DROSHA: variants seen among roughly 807,000 people sequenced by gnomAD.
DROSHA encodes ribonuclease 3.
DROSHA carries 56 observed loss-of-function variants against 181.9 expected under a neutral mutation model. The observed-to-expected ratio is 0.31, with a 90% CI of 0.25 to 0.38. The LOEUF is 0.38. Ranked by LOEUF, DROSHA falls within the 10% of genes least tolerant of loss-of-function variation. The probability of loss-of-function intolerance (pLI) is 1.00; values close to 1 mark genes in which losing one functional copy is unlikely to be tolerated. For missense variants in DROSHA, 1,218 were observed against 1,743.5 expected, an observed-to-expected ratio of 0.70 and a Z score of 5.37; for synonymous variants, 524 against 591.2, an observed-to-expected ratio of 0.89 and a Z score of 1.65.
chr5:31,483,740 G>T, intron 15 of DROSHA, 112 bp from the exon 16 acceptor site: 2 of 1,050,888 alleles, frequency 1.9e-6, no homozygotes, highest in Non-Finnish European at 2.7e-6. Flanking sequence ...ACCACCAGAA[G>T]TAGAGGCATA....
chr5:31,418,576 C>T (rs1742256777), intron 30 of DROSHA, among the ~76,000 whole-genome samples: 1 of 152,002 alleles, frequency 6.6e-6, no homozygotes, highest in South Asian at 2.1e-4. Context: ...GCCCTTGTAA[C>T]GTATCAATAG....
At position 31,476,280 on chromosome 5, in the gene DROSHA, G is replaced by A. The variant is rs149372337; in HGVS notation, c.2072-4048C>T. 9.8e-3 allele frequency among the ~76,000 whole-genome samples: 1,493 copies of A among 152,240 alleles called. 30 individuals carry two copies. The highest frequency in any genetic ancestry group is 0.033 in the African/African-American group (1,369 of 41,566). ...CTCAGGAGGCTGGGGCAGGAGAATCGCTTGAATCTGGGAGGCAGGGATTGC... is the reference window on the plus strand; with the variant it reads ...CTCAGGAGGCTGGGGCAGGAGAATCACTTGAATCTGGGAGGCAGGGATTGC... On this transcript the variant is annotated intron_variant, in intron 16 of 35. Coordinates refer to ENST00000344624, the MANE Select transcript of DROSHA (RefSeq NM_001382508.1).
chr5:31,526,321 G>A lies in DROSHA; in HGVS notation c.612C>T (p.Phe204=), dbSNP rs781066515. The change falls in exon 5 of 36, where the codon TTC becomes TTT. Residue 204 remains phenylalanine (F), a synonymous_variant. Coordinates refer to ENST00000344624, the MANE Select transcript of DROSHA (RefSeq NM_001382508.1). ...PSANNSSSPH[F]RHLPPYPLPK... is the part of the protein sequence containing the mutation. ...GGAGTGGGTATGGAGGGAGATGTCTGAAATGAGGACTACTGCTGTTATTAG... is the reference window on the plus strand; with the variant it reads ...GGAGTGGGTATGGAGGGAGATGTCTAAAATGAGGACTACTGCTGTTATTAG... 3 of 1,613,898 alleles carry A rather than the reference G, an allele frequency of 1.9e-6. No individual in the cohort carries two copies. Among genetic ancestry groups the A allele is most frequent in the Non-Finnish European group, 2.5e-6 (3 of 1,179,880 alleles).
intron 26 of DROSHA, among the ~76,000 whole-genome samples, chr5:31,429,816 T>G (rs1743950948): frequency 6.6e-6 from 1 of 152,154 alleles, no homozygotes; most frequent in African/African-American, 2.4e-5. Flanking sequence ...TTATGAAGGG[T>G]AAAGGTATAA....
At chr5:31,515,348 T>G (rs1739158735) in intron 7 of DROSHA, 106 bp downstream of exon 7, 4 of 1,147,500 alleles carry the variant, frequency 3.5e-6, no homozygotes, top group Non-Finnish European at 4.9e-6. Context: ...GTGTGTACTT[T>G]TGTTAAACCA....
intron 20 of DROSHA, among the ~76,000 whole-genome samples, chr5:31,462,745 G>C (rs186122586): frequency 7.3e-5 from 11 of 151,602 alleles, no homozygotes; most frequent in African/African-American, 2.7e-4. Context: ...AGTAAAACAG[G>C]ATACTGTCTC....
chr5:31,405,386 AAAAG>A (rs1452316626), intron 35 of DROSHA, among the ~76,000 whole-genome samples: 27 of 152,028 alleles, frequency 1.8e-4, no homozygotes, highest in Non-Finnish European at 3.1e-4. Context: ...AAAAAAAAAA[AAAAG>A]AAAGAAAACA....
intron 12 of DROSHA, among the ~76,000 whole-genome samples, chr5:31,493,620 T>C (rs1239685749): frequency 3.3e-5 from 5 of 152,208 alleles, no homozygotes; most frequent in Admixed American, 3.3e-4. Context: ...GTTTCTGAAC[T>C]AACAGAAGTC....
At chr5:31,405,375 C>CA (rs554435489) in intron 35 of DROSHA, among the ~76,000 whole-genome samples, 15,498 of 119,726 alleles carry the variant, frequency 0.13, 1,092 homozygotes, top group African/African-American at 0.23. Context: ...AACTCCATCT[C>CA]AAAAAAAAAA....
At chr5:31,521,239 C>G in intron 5 of DROSHA, 24 bp from the exon 6 acceptor site, 2 of 1,610,474 alleles carry the variant, frequency 1.2e-6, no homozygotes, top group South Asian at 1.1e-5. Flanking sequence ...ATACACAGAG[C>G]TGTTTTCAAC....
intron 13 of DROSHA, among the ~76,000 whole-genome samples, chr5:31,491,369 A>T (rs1352147468): frequency 6.6e-6 from 1 of 152,210 alleles, no homozygotes; most frequent in Non-Finnish European, 1.5e-5. Flanking sequence ...CTAATCTTAC[A>T]GATGAGAAAG....
intron 30 of DROSHA, among the ~76,000 whole-genome samples, chr5:31,415,582 G>C (rs1286049371): frequency 6.6e-6 from 1 of 152,148 alleles, no homozygotes; most frequent in Non-Finnish European, 1.5e-5. Flanking sequence ...ACTGGTTCTT[G>C]AGCTTTTTAT....
chr5:31,493,481 G>A (rs531916445), intron 12 of DROSHA, among the ~76,000 whole-genome samples, 188 bp from the exon 13 acceptor site: 12 of 152,202 alleles, frequency 7.9e-5, no homozygotes, highest in African/African-American at 2.2e-4. Context: ...TAATATTTAC[G>A]TACTTAGACA....
At position 31,401,360 on chromosome 5, in the gene DROSHA, C is replaced by T; in HGVS notation, c.*72G>A. 2.5e-6 allele frequency: 4 copies of T among 1,580,400 alleles called. No homozygotes were observed. The highest frequency in any genetic ancestry group is 3.5e-6 in the Non-Finnish European group (4 of 1,156,798). ...ACTTCATTCATTGTCTGCAGGAAAA[C>T]TAGGCTAGGTCTCAATAGACAACAG... On this transcript the variant is annotated 3_prime_UTR_variant, in exon 36 of 36. Transcript: ENST00000344624.
In DROSHA at chr5:31,472,155, C is replaced by G; in HGVS notation, c.2149G>C (p.Glu717Gln). The G allele has an allele frequency of 6.2e-7, 1 of 1,613,972 alleles. No individual in the cohort carries two copies. Among genetic ancestry groups the G allele is most frequent in the South Asian group, 1.1e-5 (1 of 91,070 alleles). Residue 717 changes from glutamate (E) to glutamine (Q), a missense_variant, in exon 17 of 36, where the codon GAG (glutamate) becomes CAG (glutamine). This residue lies in a region of DROSHA where 460 missense variants were observed against 774.2 expected (regional missense o/e 0.59). Coordinates refer to ENST00000344624, the MANE Select transcript of DROSHA (RefSeq NM_001382508.1). The part of the protein sequence containing the change: ...LRCSKALVPE[E>Q]EIANMLQWEE... ...CACTGAAGCATATTGGCAATCTCCT[C>G]CTCAGGCACCAGGGCTTTGCTGCAC...
intron 20 of DROSHA, among the ~76,000 whole-genome samples, chr5:31,452,658 T>A (rs150752799): frequency 1.9e-4 from 29 of 152,300 alleles, no homozygotes; most frequent in Admixed American, 7.8e-4. Flanking sequence ...TACATGAAAA[T>A]GGATTTGCTT....
In DROSHA at chr5:31,515,478, G is replaced by A; in HGVS notation, c.1034C>T (p.Ala345Val). 1 of 1,431,980 alleles carries A rather than the reference G, an allele frequency of 7.0e-7. No individual in the cohort carries two copies. The highest frequency in any genetic ancestry group is 9.6e-7 in the Non-Finnish European group (1 of 1,037,234). The allele number at this position is 1,431,980 out of a possible 1,614,324, so 88.7% of individuals were successfully genotyped here. Residue 345 changes from alanine to valine, a missense_variant, in exon 7 of 36, where the codon GCC becomes GTC. By Grantham distance (64) the Ala-to-Val change is moderately conservative. This residue lies in a region of DROSHA where 536 missense variants were observed against 535.4 expected (regional missense o/e 1.00). Transcript: ENST00000344624. ...GEIIKNTDSW[A>V]PPLEIVNHRS... is the part of the protein sequence containing the mutation. The stretch of plus-strand genomic sequence containing the variant: ...CTGATTCACAATCTCCAGGGGTGGG[G>A]CCCAAGAATCTGTATTTTTAATAAT...
chr5:31,442,625 T>C lies in DROSHA; in HGVS notation c.2883-5327A>G, dbSNP rs148695986. On this transcript the variant is annotated intron_variant, in intron 23 of 35. Transcript: ENST00000344624. ...ACCGTCTCCCTGTAACAGTAAGTAC[T>C]GTAAGGTGCCATTCACTCCAAGGAA... Among the ~76,000 whole-genome samples the C allele has an allele frequency of 2.2e-3, 331 of 152,290 alleles. 1 individual carries two copies. The highest frequency in any genetic ancestry group is 7.5e-3 in the African/African-American group (312 of 41,572).
At chr5:31,477,109 T>C (rs1045454250) in intron 16 of DROSHA, among the ~76,000 whole-genome samples, 6 of 152,232 alleles carry the variant, frequency 3.9e-5, no homozygotes, top group African/African-American at 1.2e-4. Context: ...CAGCTCATTA[T>C]TCGGGAAGAA....
Sources: gnomAD v4.1 joint callset for allele counts (sites outside exome capture counted in the v4.1 genomes callset) on GRCh38, gnomAD v4.1.1 for gene constraint, gnomAD v4.1.1 regional missense constraint, MANE v1.5 for transcripts, NCBI Gene and HGNC (gene_info 2026-07-23, HGNC 2026-07-21) for gene names.